Variants in GRIA1 observed in about 807,000 individuals in gnomAD.
The protein encoded by GRIA1 is glutamate ionotropic receptor AMPA type subunit 1.
Under a neutral mutation model 99.2 loss-of-function variants are expected in GRIA1, and 31 were observed. The ratio of observed to expected loss-of-function variants is 0.31; its 90% CI spans 0.23 to 0.42. The LOEUF is 0.42. GRIA1 is among the 10% of genes least tolerant of loss of function. The pLI is 1.00. For synonymous variants in GRIA1, 438 were observed against 432.4 expected, an observed-to-expected ratio of 1.01 and a Z score of -0.16; for missense variants, 782 against 1,157.5, an observed-to-expected ratio of 0.68 and a Z score of 4.71.
chr5:153,683,014 C>T (rs990021950), intron 7 of GRIA1, among the ~76,000 whole-genome samples: 12 of 152,146 alleles, frequency 7.9e-5, no homozygotes, highest in South Asian at 2.1e-4. Context: ...GAGTTGAGGG[C>T]GCCAGGATGG....
In GRIA1 at chr5:153,698,058, T is replaced by A. The variant is rs1561778284; in HGVS notation, c.1149T>A (p.Asn383Lys). 3 of 1,600,274 alleles carry A rather than the reference T, an allele frequency of 1.9e-6. No individual in the cohort carries two copies. Among genetic ancestry groups the A allele is most frequent in the East Asian group, 2.2e-5 (1 of 44,808 alleles). The change falls in exon 9 of 16, where the codon AAT (asparagine) becomes AAA (lysine). Residue 383 changes from asparagine (N) to lysine (K), a missense_variant. Transcript: ENST00000285900. Reference sequence around the variant, plus strand: ...CTCATTAACAGATTGGTTACTGGAATGAAGATGATAAGTTTGTCCCTGCAG... The same window carrying A: ...CTCATTAACAGATTGGTTACTGGAAAGAAGATGATAAGTTTGTCCCTGCAG... ...HDGIRKIGYW[N>K]EDDKFVPAAT... is the part of the protein sequence containing the mutation.
chr5:153,576,952 GGA>G (rs2149369384), intron 2 of GRIA1, among the ~76,000 whole-genome samples: 1 of 144,930 alleles, frequency 6.9e-6, no homozygotes, highest in East Asian at 3.1e-4. Flanking sequence ...ATGGATGGAT[GGA>G]TGGATGGATG....
intron 15 of GRIA1, among the ~76,000 whole-genome samples, chr5:153,806,152 A>G (rs990030970): frequency 6.6e-6 from 1 of 152,100 alleles, no homozygotes; most frequent in Non-Finnish European, 1.5e-5. Flanking sequence ...GCAGCCCCCA[A>G]CCTTACAGAG....
chr5:153,779,677 C>T (rs750348184), intron 13 of GRIA1, among the ~76,000 whole-genome samples: 1 of 152,188 alleles, frequency 6.6e-6, no homozygotes, highest in Non-Finnish European at 1.5e-5. Context: ...ATTCTCCTGC[C>T]TCAGCCTCCC....
intron 2 of GRIA1, among the ~76,000 whole-genome samples, chr5:153,585,493 G>C (rs140102799): frequency 1.3e-5 from 2 of 151,632 alleles, no homozygotes; most frequent in Non-Finnish European, 2.9e-5. Context: ...GTTTTTAGTA[G>C]AGACAGGGTT....
intron 11 of GRIA1, among the ~76,000 whole-genome samples, chr5:153,737,458 A>G (rs1278394809): frequency 3.9e-5 from 6 of 152,264 alleles, no homozygotes; most frequent in South Asian, 4.1e-4. Flanking sequence ...TGATCCTTCC[A>G]AAGCAATACG....
chr5:153,734,743 G>A (rs549937500), intron 11 of GRIA1, among the ~76,000 whole-genome samples: 2 of 152,316 alleles, frequency 1.3e-5, no homozygotes, highest in African/African-American at 4.8e-5. Flanking sequence ...GGAGGAAGTT[G>A]CATTTAACCT....
At chr5:153,642,637 G>GA (rs56261295) in intron 2 of GRIA1, among the ~76,000 whole-genome samples, 10,575 of 132,078 alleles carry the variant, frequency 0.08, 519 homozygotes, top group African/African-American at 0.14. Flanking sequence ...CCCTGTTTCA[G>GA]AAAAAAAAAA....
intron 2 of GRIA1, among the ~76,000 whole-genome samples, chr5:153,533,801 G>A (rs1449161776): frequency 6.6e-6 from 1 of 152,226 alleles, no homozygotes; most frequent in Non-Finnish European, 1.5e-5. Context: ...TGAGTGCCGA[G>A]CATTCTTCTA....
intron 11 of GRIA1, among the ~76,000 whole-genome samples, chr5:153,731,281 T>C (rs1761001677): frequency 6.6e-6 from 1 of 151,766 alleles, no homozygotes; most frequent in Non-Finnish European, 1.5e-5. Context: ...TGGCCTCTTG[T>C]GATCTGTTCC....
At chr5:153,642,249 T>A (rs1753822870) in intron 2 of GRIA1, among the ~76,000 whole-genome samples, 1 of 152,166 alleles carries the variant, frequency 6.6e-6, no homozygotes, top group Admixed American at 6.5e-5. Context: ...CATTAAGGAC[T>A]CAAGCTCTGT....
intron 5 of GRIA1, among the ~76,000 whole-genome samples, chr5:153,658,186 G>A (rs936344348): frequency 6.6e-6 from 1 of 152,092 alleles, no homozygotes; most frequent in Non-Finnish European, 1.5e-5. Flanking sequence ...TAGGCACCCT[G>A]CTGCTTAAGA....
At chr5:153,661,073 C>T (rs770126368) in intron 5 of GRIA1, among the ~76,000 whole-genome samples, 4 of 152,186 alleles carry the variant, frequency 2.6e-5, no homozygotes, top group East Asian at 1.9e-4. Context: ...TGCTCCTCTG[C>T]GGGATCAGCC....
intron 2 of GRIA1, among the ~76,000 whole-genome samples, chr5:153,497,068 G>A (rs1431412320): frequency 6.6e-6 from 1 of 152,138 alleles, no homozygotes; most frequent in Non-Finnish European, 1.5e-5. Context: ...GGAAGGTGGG[G>A]AAGATAGAAG....
At chr5:153,645,305 G>A (rs1754064396) in intron 2 of GRIA1, among the ~76,000 whole-genome samples, 1 of 152,172 alleles carries the variant, frequency 6.6e-6, no homozygotes, top group Non-Finnish European at 1.5e-5. Flanking sequence ...GAGTAGGACA[G>A]ATGGGTTATA....
intron 15 of GRIA1, among the ~76,000 whole-genome samples, chr5:153,807,639 G>C (rs1477968940): frequency 6.6e-6 from 1 of 152,208 alleles, no homozygotes; most frequent in African/African-American, 2.4e-5. Context: ...GAGAGTGGGA[G>C]ACTCAGAGAG....
intron 4 of GRIA1, among the ~76,000 whole-genome samples, chr5:153,651,491 G>T (rs1267815875): frequency 6.6e-6 from 1 of 152,140 alleles, no homozygotes. Flanking sequence ...TATGTATTCA[G>T]ATTCAGAGCT....
upstream of GRIA1, chr5:153,490,539 T>G: frequency 2.7e-6 from 1 of 364,400 alleles, no homozygotes. Flanking sequence ...GCTTGCTGCC[T>G]GTGTGAGTGT....
At chr5:153,573,627 T>C (rs1475905392) in intron 2 of GRIA1, among the ~76,000 whole-genome samples, 1 of 152,172 alleles carries the variant, frequency 6.6e-6, no homozygotes, top group Non-Finnish European at 1.5e-5. Context: ...CTGAGAGTGC[T>C]GGACGGGAGT....
Sources: allele counts gnomAD v4.1 joint callset (sites outside exome capture counted in the v4.1 genomes callset), GRCh38; gene constraint gnomAD v4.1.1; transcripts MANE v1.5; gene names NCBI Gene and HGNC (gene_info 2026-07-23, HGNC 2026-07-21).